The following SNIP1 variants were observed in gnomAD, a reference collection of about 807,000 sequenced individuals.
The protein encoded by SNIP1 is smad nuclear-interacting protein 1.
SNIP1 carries 23 observed loss-of-function variants against 37.4 expected under a neutral mutation model. The observed-to-expected ratio is 0.61, with a 90% CI of 0.44 to 0.87. The LOEUF (loss-of-function observed/expected upper bound fraction) is 0.87. Ranked by LOEUF, SNIP1 falls within the 40% of genes least tolerant of loss-of-function variation. The probability of loss-of-function intolerance (pLI) is 0.00; values close to 1 mark genes in which losing one functional copy is unlikely to be tolerated. For missense variants in SNIP1, 459 were observed against 540.4 expected (o/e 0.85, Z 1.49); for synonymous variants, 174 against 200.0 (o/e 0.87, Z 1.10).
At chr1:37,544,541 T>C (rs910126650) in intron 2 of SNIP1, among the ~76,000 whole-genome samples, 1 of 152,190 alleles carries the variant, frequency 6.6e-6, no homozygotes, top group African/African-American at 2.4e-5. Context: ...TTGTGTATTC[T>C]TGTTTCAAAA....
chr1:37,538,648 C>T (rs923493162), intron 3 of SNIP1, among the ~76,000 whole-genome samples: 23 of 151,666 alleles, frequency 1.5e-4, no homozygotes, highest in African/African-American at 5.1e-4. Flanking sequence ...TGTTTATAAT[C>T]AACATAATGT....
At chr1:37,552,836 A>G in intron 1 of SNIP1, 89 bp from the exon 2 acceptor site, 1 of 1,013,064 alleles carries the variant, frequency 9.9e-7, no homozygotes, top group Non-Finnish European at 1.6e-6. Context: ...CTACTAACAC[A>G]AACACCGCAT....
intron 1 of SNIP1, 140 bp downstream of exon 1, chr1:37,553,866 C>T (rs879216428): frequency 9.6e-6 from 8 of 832,956 alleles, no homozygotes; most frequent in Admixed American, 7.6e-5. Flanking sequence ...ACAAGCACGA[C>T]TGGATCACTC....
Position 37,537,904 on chromosome 1 carries a change from C to T in SNIP1, c.1035G>A (p.Glu345=), listed in dbSNP as rs780486184. 1.2e-6 allele frequency: 2 copies of T among 1,614,164 alleles called. No individual in the cohort carries two copies. Among genetic ancestry groups the T allele is most frequent in the Non-Finnish European group, 8.5e-7 (1 of 1,180,052 alleles). The change falls in exon 4 of 4, where the codon GAG becomes GAA. Residue 345 remains glutamate, a synonymous_variant. Transcript: ENST00000296215. ...CTTTTAGTTCATAGTATCTCTGTGGCTCAATACGTTTGTTGTTTAAGAAGG... is the reference window on the plus strand; with the variant it reads ...CTTTTAGTTCATAGTATCTCTGTGGTTCAATACGTTTGTTGTTTAAGAAGG... The part of the protein sequence containing the change: ...NGTFLNNKRI[E]PQRYYELKEK...
chr1:37,538,114 T>C, intron 3 of SNIP1, 102 bp from the exon 4 acceptor site: 2 of 1,321,442 alleles, frequency 1.5e-6, no homozygotes, highest in Non-Finnish European at 2.0e-6. Context: ...GTAAATAACC[T>C]GGCTTGAGCA....
At chr1:37,538,099 A>G (rs1195712557) in intron 3 of SNIP1, 87 bp from the exon 4 acceptor site, 1 of 1,427,044 alleles carries the variant, frequency 7.0e-7, no homozygotes, top group Non-Finnish European at 9.3e-7. Context: ...GATAGCCTAG[A>G]TGACGTAAAT....
rs151226693 is a variant in SNIP1, at chr1:37,554,107, G to C, written c.123C>G (p.Pro41=). The change falls in exon 1 of 4, where the codon CCC becomes CCG. Residue 41 remains proline, a synonymous_variant. Transcript: ENST00000296215. ...CGGAGTGGTCCGGACGGCGGTGGGC[G>C]GGAGGTGCGACTTCTGGGCTGAGAC... ...QERLSPEVAP[P]AHRRPDHSGG... 1.3e-5 allele frequency: 21 copies of C among 1,612,094 alleles called. No individual in the cohort carries two copies. The highest frequency in any genetic ancestry group is 1.7e-5 in the Non-Finnish European group (20 of 1,179,374).
At chr1:37,550,013 T>C (rs1160568961) in intron 2 of SNIP1, among the ~76,000 whole-genome samples, 1 of 152,002 alleles carries the variant, frequency 6.6e-6, no homozygotes, top group Non-Finnish European at 1.5e-5. Context: ...CAACAAATGG[T>C]GTTGATGCAA....
At position 37,536,788 on chromosome 1, in the gene SNIP1, A is replaced by G. The variant is rs1272367067; in HGVS notation, c.*960T>C. On this transcript the variant is annotated 3_prime_UTR_variant, in exon 4 of 4. Transcript: ENST00000296215. ...CCCTGCTTTCCAACCTTGGGAAGGT[A>G]AATACAACCTCTCTCAACAACTTTT... The G allele has an allele frequency of 3.3e-5, 5 of 152,246 alleles. No individual in the cohort carries two copies. The highest frequency in any genetic ancestry group is 1.2e-4 in the African/African-American group (5 of 41,464). The allele number at this position is 152,246 out of a possible 1,614,324, so 9.4% of individuals were successfully genotyped here.
Position 37,554,268 on chromosome 1 carries a change from G to A in SNIP1, c.-39C>T, listed in dbSNP as rs1214764899. On this transcript the variant is annotated 5_prime_UTR_variant, in exon 1 of 4. Transcript: ENST00000296215. ...CTGGGCGAAAGAAAACAGATCAGTT[G>A]AGCTCCTCTAGCTGGAGGAAATGAC... The A allele has an allele frequency of 1.5e-5, 23 of 1,557,058 alleles. No individual in the cohort carries two copies. Among genetic ancestry groups the A allele is most frequent in the African/African-American group, 5.4e-5 (4 of 73,882 alleles).
chr1:37,537,578 G>A lies in SNIP1; in HGVS notation c.*170C>T. ...GAAAAAGTTTAACAAACATTAGTCA[G>A]TGTATTCAAATGGTAACACAATCTG... On this transcript the variant is annotated 3_prime_UTR_variant, in exon 4 of 4. Coordinates refer to ENST00000296215, the MANE Select transcript of SNIP1 (RefSeq NM_024700.4). 1 of 698,498 alleles carries A rather than the reference G, an allele frequency of 1.4e-6. No homozygotes were observed. The highest frequency in any genetic ancestry group is 2.4e-6 in the Non-Finnish European group (1 of 424,284). 43.3% of individuals were successfully genotyped at this position (698,498 alleles called of 1,614,324 possible).
rs373193472 is a variant in SNIP1, at chr1:37,540,621, G to A, written c.462C>T (p.Asn154=). 25 of 1,614,010 alleles carry A rather than the reference G, an allele frequency of 1.5e-5. No individual in the cohort carries two copies. The highest frequency in any genetic ancestry group is 1.2e-4 in the African/African-American group (9 of 74,996). Residue 154 remains asparagine, a synonymous_variant, in exon 3 of 4, where the codon AAC becomes AAT. Coordinates refer to ENST00000296215, the MANE Select transcript of SNIP1 (RefSeq NM_024700.4). The surrounding 1 kb of genome is among the most constrained non-coding windows in gnomAD (Gnocchi z 5.6). ...RGHSHQRRTS[N]ERPGSGQGQG... ...GACCCTGCCCACTCCCAGGCCTCTC[G>A]TTAGACGTTCTCCTTTGGTGGGAAT...
At chr1:37,538,222 G>T (rs1032135759) in intron 3 of SNIP1, among the ~76,000 whole-genome samples, 1 of 152,126 alleles carries the variant, frequency 6.6e-6, no homozygotes, top group Non-Finnish European at 1.5e-5. Flanking sequence ...GAAAAGGTGA[G>T]AATGGACCGG....
At chr1:37,539,394 T>C (rs886918777) in intron 3 of SNIP1, among the ~76,000 whole-genome samples, 2 of 152,098 alleles carry the variant, frequency 1.3e-5, no homozygotes, top group Non-Finnish European at 2.9e-5. Flanking sequence ...CCATTCGAAG[T>C]CAGGAGACCA....
chr1:37,540,567 C>T lies in SNIP1; in HGVS notation c.516G>A (p.Leu172=). The T allele has an allele frequency of 1.2e-6, 2 of 1,614,114 alleles. No individual in the cohort carries two copies. The highest frequency in any genetic ancestry group is 1.7e-6 in the Non-Finnish European group (2 of 1,180,032). The change falls in exon 3 of 4, where the codon CTG becomes CTA. Residue 172 remains leucine (L), a synonymous_variant. Transcript: ENST00000296215. This position sits in a 1 kb window ranked among gnomAD's most constrained non-coding sequence, Gnocchi z 5.6. The part of the protein sequence containing the change: ...GQGRDRDTQN[L]QAQEEEREFY... ...ACTCCCGCTCTTCTTCCTGAGCCTGCAGGTTCTGAGTGTCTCGATCCCGTC... is the reference window on the plus strand; with the variant it reads ...ACTCCCGCTCTTCTTCCTGAGCCTGTAGGTTCTGAGTGTCTCGATCCCGTC...
intron 2 of SNIP1, 57 bp downstream of exon 2, chr1:37,552,588 G>T: frequency 7.3e-7 from 1 of 1,362,718 alleles, no homozygotes; most frequent in Non-Finnish European, 1.1e-6. Flanking sequence ...TTCCTCTTTA[G>T]CTGTGATAGG....
intron 2 of SNIP1, among the ~76,000 whole-genome samples, chr1:37,550,415 C>G (rs1428630934): frequency 6.6e-6 from 1 of 152,110 alleles, no homozygotes; most frequent in Non-Finnish European, 1.5e-5. Context: ...AGAAAACAGG[C>G]AAAAGATAGC....
Position 37,537,139 on chromosome 1 carries a change from A to G in SNIP1, c.*609T>C, listed in dbSNP as rs1643108068. ...TCACGGGCTTGAGCAGGTGCCATAA[A>G]GCATCTGTTTAAGTTAAACAGTCAA... On this transcript the variant is annotated 3_prime_UTR_variant, in exon 4 of 4. Transcript: ENST00000296215. 1 of 152,702 alleles carries G rather than the reference A, an allele frequency of 6.5e-6. No individual in the cohort carries two copies. The allele number at this position is 152,702 out of a possible 1,614,324, so 9.5% of individuals were successfully genotyped here.
intron 3 of SNIP1, among the ~76,000 whole-genome samples, chr1:37,538,508 CAAAAAAAAAAAAA>C (rs35905865): frequency 3.5e-5 from 2 of 57,956 alleles, no homozygotes; most frequent in Non-Finnish European, 6.3e-5. Context: ...GACTCTGTCT[CAAAAAAAAAAAAA>C]AAAAAAAAGG....
Sources: allele counts gnomAD v4.1 joint callset (sites outside exome capture counted in the v4.1 genomes callset), GRCh38; gene constraint gnomAD v4.1.1; non-coding constraint Gnocchi (gnomAD v3.1); transcripts MANE v1.5; gene names NCBI Gene and HGNC (gene_info 2026-07-23, HGNC 2026-07-21).